PTPRD: variants seen among roughly 807,000 people sequenced by gnomAD.
PTPRD encodes the protein receptor-type tyrosine-protein phosphatase delta.
PTPRD carries 34 observed loss-of-function variants against 214.5 expected under a neutral mutation model. That is an observed-to-expected ratio of 0.16 (90% CI 0.12 to 0.21). The LOEUF is 0.21. Among genes scored for constraint, PTPRD ranks in the 10% least tolerant of loss-of-function variants. PTPRD has a pLI of 1.00. For synonymous variants in PTPRD, 1,128 were observed against 845.7 expected, an observed-to-expected ratio of 1.33 and a Z score of -5.79; for missense variants, 2,545 against 2,398.7, an observed-to-expected ratio of 1.06 and a Z score of -1.27.
intron 2 of PTPRD, among the ~76,000 whole-genome samples, chr9:10,458,042 A>G (rs945269196): frequency 6.6e-6 from 1 of 152,058 alleles, no homozygotes; most frequent in Admixed American, 6.6e-5. Context: ...TAACAATAAA[A>G]GAGATTGAAG....
intron 5 of PTPRD, among the ~76,000 whole-genome samples, chr9:9,919,565 T>C (rs535405897): frequency 2.6e-5 from 4 of 152,178 alleles, no homozygotes; most frequent in Admixed American, 6.6e-5. Flanking sequence ...CAATGATTCA[T>C]GTAACTCCCC....
At chr9:9,608,911 T>C (rs2094349618) in intron 7 of PTPRD, among the ~76,000 whole-genome samples, 1 of 152,202 alleles carries the variant, frequency 6.6e-6, no homozygotes, top group Non-Finnish European at 1.5e-5. Flanking sequence ...TTATTGTTTA[T>C]TCTTTATTCG....
intron 2 of PTPRD, among the ~76,000 whole-genome samples, chr9:10,479,662 C>CATAAATACATAAATACATAAATAAAT (rs1296695008): frequency 4.1e-3 from 214 of 52,634 alleles, no homozygotes; most frequent in African/African-American, 9.5e-3. Flanking sequence ...AATAAATAAA[C>CATAAATACATAAATACATAAATAAAT]AAAAATACAA....
At chr9:8,876,678 A>G (rs898901567) in intron 11 of PTPRD, among the ~76,000 whole-genome samples, 4 of 152,216 alleles carry the variant, frequency 2.6e-5, no homozygotes, top group Non-Finnish European at 4.4e-5. Flanking sequence ...TAATTGCAAA[A>G]TAACTCAGAA....
intron 8 of PTPRD, among the ~76,000 whole-genome samples, chr9:9,413,085 A>G (rs2142004872): frequency 6.8e-6 from 1 of 146,392 alleles, no homozygotes; most frequent in Admixed American, 6.9e-5. Context: ...CAAGTTATAA[A>G]ATATCTTGCA....
chr9:10,411,364 C>T (rs1442235033), intron 2 of PTPRD, among the ~76,000 whole-genome samples: 1 of 151,726 alleles, frequency 6.6e-6, no homozygotes. Flanking sequence ...CAGGATTTCC[C>T]AGTTCATCAT....
intron 3 of PTPRD, among the ~76,000 whole-genome samples, chr9:10,204,640 G>A (rs775851875): frequency 9.8e-4 from 149 of 152,170 alleles, no homozygotes; most frequent in Non-Finnish European, 1.8e-3. Flanking sequence ...TATGACAAAG[G>A]CAGTATTGAT....
At chr9:9,468,207 T>C (rs2094350250) in intron 8 of PTPRD, among the ~76,000 whole-genome samples, 1 of 152,054 alleles carries the variant, frequency 6.6e-6, no homozygotes, top group African/African-American at 2.4e-5. Flanking sequence ...TTATCGGTTT[T>C]TATTTTTTCT....
chr9:8,780,632 G>T (rs997854160), intron 11 of PTPRD, among the ~76,000 whole-genome samples: 1 of 152,206 alleles, frequency 6.6e-6, no homozygotes, highest in Admixed American at 6.5e-5. Flanking sequence ...GGCTCTCAGT[G>T]TGTGTCAGTC....
intron 8 of PTPRD, among the ~76,000 whole-genome samples, chr9:9,533,866 AT>A (rs1235160869): frequency 6.6e-6 from 1 of 152,076 alleles, no homozygotes; most frequent in African/African-American, 2.4e-5. Flanking sequence ...TTCTTACTGT[AT>A]GTTGAAAAAA....
At chr9:8,528,545 A>T (rs1475004158) in intron 15 of PTPRD, 46 bp downstream of exon 15, 1 of 1,529,448 alleles carries the variant, frequency 6.5e-7, no homozygotes, top group Non-Finnish European at 8.8e-7. Flanking sequence ...AAAAATTAAA[A>T]AAAAAAATTC....
chr9:9,924,620 TA>T (rs539787433), intron 5 of PTPRD, among the ~76,000 whole-genome samples: 15 of 152,258 alleles, frequency 9.9e-5, no homozygotes, highest in African/African-American at 3.6e-4. Flanking sequence ...AGAAACTTTT[TA>T]AAAGAAACAT....
At position 9,411,328 on chromosome 9, in the gene PTPRD, C is replaced by T. The variant is rs113310801; in HGVS notation, c.-236-13846G>A. The stretch of plus-strand genomic sequence containing the variant: ...AAGACTTTTGTCTCATAAAATTGTG[C>T]CTTCTAAGATTACCACCCAAATATA... On this transcript the variant is annotated intron_variant, in intron 8 of 45. Transcript: ENST00000381196. Among the ~76,000 whole-genome samples the T allele has an allele frequency of 9.5e-3, 1,385 of 145,646 alleles. 8 individuals carry two copies. Among genetic ancestry groups the T allele is most frequent in the South Asian group, 0.029 (132 of 4,604 alleles).
intron 3 of PTPRD, among the ~76,000 whole-genome samples, chr9:10,172,069 G>T (rs940821323): frequency 5.3e-5 from 8 of 152,130 alleles, no homozygotes; most frequent in African/African-American, 1.9e-4. Flanking sequence ...ATGGAGCAAT[G>T]AAAATATGTT....
intron 9 of PTPRD, among the ~76,000 whole-genome samples, chr9:9,285,568 T>C (rs1443967062): frequency 6.6e-6 from 1 of 151,804 alleles, no homozygotes; most frequent in Admixed American, 6.6e-5. Flanking sequence ...AATCTAGTGG[T>C]CACTTTTATT....
At chr9:9,312,266 C>T (rs138601959) in intron 9 of PTPRD, among the ~76,000 whole-genome samples, 1 of 152,134 alleles carries the variant, frequency 6.6e-6, no homozygotes, top group African/African-American at 2.4e-5. Context: ...AATATTGAAG[C>T]ATCTGGGATT....
intron 7 of PTPRD, among the ~76,000 whole-genome samples, chr9:9,585,500 A>G (rs1212422494): frequency 4.6e-5 from 7 of 152,070 alleles, no homozygotes; most frequent in African/African-American, 1.7e-4. Context: ...ATATTGCACA[A>G]TTACTTTGAA....
At chr9:10,037,308 G>C (rs2097202716) in intron 3 of PTPRD, among the ~76,000 whole-genome samples, 1 of 152,064 alleles carries the variant, frequency 6.6e-6, no homozygotes, top group Admixed American at 6.6e-5. Context: ...CAGGAGGGCA[G>C]TTTCTAATGT....
intron 9 of PTPRD, among the ~76,000 whole-genome samples, chr9:9,384,342 G>A (rs1054334994): frequency 1.5e-4 from 5 of 32,740 alleles, no homozygotes; most frequent in Admixed American, 3.8e-4. Flanking sequence ...AGAAGACTAG[G>A]CTTTTTTTTT....
Sources: allele counts gnomAD v4.1 joint callset (sites outside exome capture counted in the v4.1 genomes callset), GRCh38; gene constraint gnomAD v4.1.1; transcripts MANE v1.5; gene names NCBI Gene and HGNC (gene_info 2026-07-23, HGNC 2026-07-21).